The following ADAMTS16 variants were observed in gnomAD, a reference collection of about 807,000 sequenced individuals.
The protein encoded by ADAMTS16 is A disintegrin and metalloproteinase with thrombospondin motifs 16.
ADAMTS16 carries 94 observed loss-of-function variants against 145.8 expected under a neutral mutation model. That is an observed-to-expected ratio of 0.64 (90% CI 0.55 to 0.77). ADAMTS16 has a LOEUF of 0.77. Ranked by LOEUF, ADAMTS16 falls within the 30% of genes least tolerant of loss-of-function variation. ADAMTS16 has a pLI of 0.00. For missense variants in ADAMTS16, 1,585 were observed against 1,591.5 expected (o/e 1.00, Z 0.07); for synonymous variants, 659 against 604.3 (o/e 1.09, Z -1.33).
At chr5:5,166,399 A>G (rs922241735) in intron 3 of ADAMTS16, among the ~76,000 whole-genome samples, 3 of 152,186 alleles carry the variant, frequency 2.0e-5, no homozygotes, top group African/African-American at 4.8e-5. Flanking sequence ...TGTGTGTGCT[A>G]CAGACCTGGG....
rs534074701 is a variant in ADAMTS16 at position 5,305,893 on chromosome 5, A to G, written c.3187-611A>G. On this transcript the variant is annotated intron_variant, in intron 20 of 22. Coordinates refer to ENST00000274181, the MANE Select transcript of ADAMTS16 (RefSeq NM_139056.4). The stretch of plus-strand genomic sequence containing the variant: ...CTTGCTCCTGTGTGTTCTCCCTGCA[A>G]GTGGGGGCTGCAGCCTCCTGCCTGG... Among the ~76,000 whole-genome samples the G allele has an allele frequency of 1.6e-3, 248 of 152,288 alleles. 3 individuals carry two copies. Among genetic ancestry groups the G allele is most frequent in the African/African-American group, 5.6e-3 (234 of 41,566 alleles).
At chr5:5,253,663 A>G (rs1191004259) in intron 17 of ADAMTS16, among the ~76,000 whole-genome samples, 1 of 152,112 alleles carries the variant, frequency 6.6e-6, no homozygotes, top group Non-Finnish European at 1.5e-5. Flanking sequence ...CCCAGGGACC[A>G]CCAACTCATC....
chr5:5,202,210 C>T (rs1735978345), intron 9 of ADAMTS16, among the ~76,000 whole-genome samples: 1 of 152,112 alleles, frequency 6.6e-6, no homozygotes, highest in Admixed American at 6.6e-5. Flanking sequence ...CTCTAGCTTC[C>T]TCCTTTTTGG....
chr5:5,172,721 T>C (rs576459846), intron 3 of ADAMTS16, among the ~76,000 whole-genome samples: 4 of 146,802 alleles, frequency 2.7e-5, no homozygotes, highest in African/African-American at 4.9e-5. Flanking sequence ...TCTGCAACTA[T>C]TGGATAAAAT....
intron 3 of ADAMTS16, among the ~76,000 whole-genome samples, chr5:5,156,872 C>A (rs1734617161): frequency 6.6e-6 from 1 of 152,214 alleles, no homozygotes; most frequent in Admixed American, 6.5e-5. Flanking sequence ...CAGTGGAGTT[C>A]TGTCCTTCGT....
rs77273868 is a variant in ADAMTS16 at position 5,240,843 on chromosome 5, C to T, written c.2523+918C>T. ...AAACAAATTTATCTTGAATTCTTTCCTTGATCAATTTATCTTGAATTCTTT... is the reference window on the plus strand; with the variant it reads ...AAACAAATTTATCTTGAATTCTTTCTTTGATCAATTTATCTTGAATTCTTT... On this transcript the variant is annotated intron_variant, in intron 16 of 22. Coordinates refer to ENST00000274181, the MANE Select transcript of ADAMTS16 (RefSeq NM_139056.4). 4.7e-3 allele frequency among the ~76,000 whole-genome samples: 710 copies of T among 152,198 alleles called. 5 individuals carry two copies. Among genetic ancestry groups the T allele is most frequent in the African/African-American group, 0.016 (659 of 41,524 alleles).
intron 10 of ADAMTS16, among the ~76,000 whole-genome samples, chr5:5,214,214 T>A (rs1736362672): frequency 6.6e-6 from 1 of 152,242 alleles, no homozygotes. Flanking sequence ...CATAGTTTTG[T>A]GGCAGTTTTG....
chr5:5,147,002 C>T (rs148576081), intron 3 of ADAMTS16, among the ~76,000 whole-genome samples: 2 of 152,228 alleles, frequency 1.3e-5, no homozygotes, highest in East Asian at 3.9e-4. Flanking sequence ...GTGCATTCCC[C>T]ATGTCCTGCA....
rs1240640833 is a variant in ADAMTS16 at position 5,269,648 on chromosome 5, C to G, written c.2789+6865C>G. Among the ~76,000 whole-genome samples, 9 of 152,252 alleles carry G rather than the reference C, an allele frequency of 5.9e-5. No homozygotes were observed. The highest frequency in any genetic ancestry group is 2.9e-5 in the Non-Finnish European group (2 of 68,030). The stretch of plus-strand genomic sequence containing the variant: ...AGATGGTCCCGAGCCTCTAGAGGAG[C>G]CTTTGGAAGTTACTATTTTTTCCAT... On this transcript the variant is annotated intron_variant, in intron 18 of 22. Coordinates refer to ENST00000274181, the MANE Select transcript of ADAMTS16 (RefSeq NM_139056.4). This position sits in a 1 kb window ranked among gnomAD's most constrained non-coding sequence, Gnocchi z 4.3.
chr5:5,301,035 T>C (rs12109856), intron 18 of ADAMTS16, among the ~76,000 whole-genome samples: 112,357 of 152,102 alleles, frequency 0.74, 41,920 homozygotes, highest in South Asian at 0.82. Context: ...AAAACACTTG[T>C]TTTGGACAAT....
intron 20 of ADAMTS16, among the ~76,000 whole-genome samples, chr5:5,306,168 T>C (rs997456797): frequency 1.3e-5 from 2 of 152,238 alleles, no homozygotes; most frequent in Non-Finnish European, 2.9e-5. Context: ...AGTTACCACA[T>C]GTACTTATGT....
At chr5:5,177,467 G>A (rs1735231652) in intron 3 of ADAMTS16, among the ~76,000 whole-genome samples, 1 of 152,110 alleles carries the variant, frequency 6.6e-6, no homozygotes, top group East Asian at 1.9e-4. Flanking sequence ...AGTGGAGAGA[G>A]GAACAAAAAG....
rs1735293011 is a variant in ADAMTS16, at chr5:5,179,846, CT to C, written c.502-2195del. Among the ~76,000 whole-genome samples, 6 of 152,308 alleles carry C rather than the reference CT, an allele frequency of 3.9e-5. No individual in the cohort carries two copies. The South Asian group carries it at 1.0e-3, about 26-fold the overall frequency. ...TTCATTGATAGTCTACCAAGCTTAC[CT>C]TTGTCTTGCCTCCTCTCACCCCCAG... On this transcript the variant is annotated intron_variant, in intron 3 of 22. Transcript: ENST00000274181.
rs1240463905 is a variant in ADAMTS16, at chr5:5,304,965, ACACACACACACACACATCCTACAC to A, written c.3186+1219_3186+1242del. 2.3e-4 allele frequency among the ~76,000 whole-genome samples: 15 copies of A among 64,214 alleles called. 1 individual carries two copies. The highest frequency in any genetic ancestry group is 7.1e-4 in the African/African-American group (9 of 12,748). 42.1% of individuals were successfully genotyped at this position (64,214 alleles called of 152,430 possible). A position where few individuals can be genotyped will look rare whatever the true frequency, so the allele number is the denominator to read the frequency against. On this transcript the variant is annotated intron_variant, in intron 20 of 22. Transcript: ENST00000274181. Reference sequence around the variant, plus strand: ...AATACATGCACACACATCCCACACCACACACACACACACACATCCTACACCACACACACACACACATCCCACACC... The same window carrying A: ...AATACATGCACACACATCCCACACCACACACACACACACACATCCCACACC...
At chr5:5,215,795 G>GT (rs1298290380) in intron 10 of ADAMTS16, among the ~76,000 whole-genome samples, 1 of 124,064 alleles carries the variant, frequency 8.1e-6, no homozygotes, top group African/African-American at 3.2e-5. Context: ...ATATATGTGT[G>GT]GTATATATAT....
At chr5:5,222,554 A>T (rs1202180116) in intron 10 of ADAMTS16, among the ~76,000 whole-genome samples, 1 of 152,192 alleles carries the variant, frequency 6.6e-6, no homozygotes, top group Non-Finnish European at 1.5e-5. Flanking sequence ...ATTTTGTTAA[A>T]AAGATAATAT....
intron 18 of ADAMTS16, among the ~76,000 whole-genome samples, chr5:5,275,360 A>T (rs1379757664): frequency 2.0e-5 from 3 of 152,190 alleles, no homozygotes; most frequent in Admixed American, 1.3e-4. Context: ...TTTATGGCTT[A>T]ACAATGGGAG....
intron 18 of ADAMTS16, among the ~76,000 whole-genome samples, chr5:5,275,537 T>C (rs1052274863): frequency 2.0e-5 from 3 of 152,116 alleles, no homozygotes; most frequent in Non-Finnish European, 4.4e-5. Context: ...CACATTATGA[T>C]TGATTGTTTT....
At chr5:5,208,982 T>G in intron 9 of ADAMTS16, 111 bp from the exon 10 acceptor site, 1 of 1,221,170 alleles carries the variant, frequency 8.2e-7, no homozygotes, top group Non-Finnish European at 1.1e-6. Flanking sequence ...CTCCTCTTTG[T>G]ATACACAATA....
Sources: gnomAD v4.1 joint callset for allele counts (sites outside exome capture counted in the v4.1 genomes callset) on GRCh38, gnomAD v4.1.1 for gene constraint, Gnocchi (gnomAD v3.1) non-coding constraint, MANE v1.5 for transcripts, NCBI Gene and HGNC (gene_info 2026-07-23, HGNC 2026-07-21) for gene names.